NDUFAF4: variants seen among roughly 807,000 people sequenced by gnomAD.
The protein encoded by NDUFAF4 is NADH dehydrogenase [ubiquinone] 1 alpha subcomplex assembly factor 4.
Under a neutral mutation model 15.6 loss-of-function variants are expected in NDUFAF4, and 10 were observed. That is an observed-to-expected ratio of 0.64 (90% CI 0.40 to 1.09). The LOEUF (loss-of-function observed/expected upper bound fraction) is 1.09, where lower values mean the gene tolerates loss of function less well. Among genes scored for constraint, NDUFAF4 ranks in the 50% least tolerant of loss-of-function variants. The pLI is 0.01. For missense variants in NDUFAF4, 203 were observed against 207.3 expected (o/e 0.98, Z 0.13); for synonymous variants, 77 against 73.3 (o/e 1.05, Z -0.26).
At chr6:96,897,599 C>T in intron 1 of NDUFAF4, 67 bp downstream of exon 1, 3 of 1,606,026 alleles carry the variant, frequency 1.9e-6, no homozygotes, top group South Asian at 1.1e-5. Flanking sequence ...CGGACCCACG[C>T]TAGGGACAGC....
chr6:96,897,791 A>G lies in NDUFAF4; in HGVS notation c.11T>C (p.Leu4Pro), dbSNP rs1359760053. The G allele has an allele frequency of 3.1e-6, 5 of 1,614,110 alleles. No homozygotes were observed. Among genetic ancestry groups the G allele is most frequent in the Middle Eastern group, 1.6e-4 (1 of 6,062 alleles). ...GAAATTCCTGATACCGCGAATCACT[A>G]GTGCTCCCATCTCCTCATAACATTA... is the stretch of plus-strand genomic sequence containing the variant. MGA[L>P]VIRGIRNFNL... Residue 4 changes from leucine (L) to proline (P), a missense_variant, in exon 1 of 3, where the codon CTA (leucine) becomes CCA (proline). Transcript: ENST00000316149.
intron 2 of NDUFAF4, 26 bp downstream of exon 2, chr6:96,896,718 A>G (rs758284876): frequency 2.6e-6 from 4 of 1,509,808 alleles, no homozygotes; most frequent in Non-Finnish European, 3.7e-6. Flanking sequence ...TAAATTGTGT[A>G]TTCACTTAAT....
intron 2 of NDUFAF4, 120 bp from the exon 3 acceptor site, chr6:96,891,511 C>T: frequency 9.4e-7 from 1 of 1,058,802 alleles, no homozygotes; most frequent in Non-Finnish European, 1.4e-6. Context: ...ATCTGTGTCC[C>T]CACCCAAATC....
Position 96,891,111 on chromosome 6 carries a change from G to T in NDUFAF4, c.521C>A (p.Ser174Ter). ...AAATTTCTGTGATTTTCTTCATTTT[G>T]ATCGTATTGCTTTCTTGTCTTCAGG... Reference protein sequence around the residue: ...FPPEDKKAIRSK With the variant: ...FPPEDKKAIR The change falls in exon 3 of 3, where the codon TCA becomes TAA. Residue 174 changes from serine (S) to a stop codon, truncating the protein, a stop_gained. Transcript: ENST00000316149. LOFTEE classifies it high-confidence loss of function. 6 of 1,612,210 alleles carry T rather than the reference G, an allele frequency of 3.7e-6. No homozygotes were observed. In the South Asian group the frequency reaches 6.6e-5, roughly 18 times the overall value.
At position 96,890,951 on chromosome 6, in the gene NDUFAF4, T is replaced by TG; in HGVS notation, c.*152dup. 1 of 707,858 alleles carries TG rather than the reference T, an allele frequency of 1.4e-6. No homozygotes were observed. Among genetic ancestry groups the TG allele is most frequent in the Non-Finnish European group, 2.3e-6 (1 of 436,574 alleles). 43.8% of individuals were successfully genotyped at this position (707,858 alleles called of 1,614,324 possible). A position where few individuals can be genotyped will look rare whatever the true frequency, so the allele number is the denominator to read the frequency against. On this transcript the variant is annotated 3_prime_UTR_variant, in exon 3 of 3. Coordinates refer to ENST00000316149, the MANE Select transcript of NDUFAF4 (RefSeq NM_014165.4). ...AACAAAAGATATTCTATGGCAATCT[T>TG]GAAAAGTCAGGGAGCTCAATAAATA... is the stretch of plus-strand genomic sequence containing the variant.
Position 96,897,682 on chromosome 6 carries a change from C to T in NDUFAF4, c.120G>A (p.Leu40=), listed in dbSNP as rs117908219. The change falls in exon 1 of 3, where the codon CTG becomes CTA. Residue 40 remains leucine, a synonymous_variant. Coordinates refer to ENST00000316149, the MANE Select transcript of NDUFAF4 (RefSeq NM_014165.4). ...APRHPSTNSL[L]REQISLYPEV... is the part of the protein sequence containing the mutation. Reference sequence around the variant, plus strand: ...ACCACTCACGACTAATCTGCTCTCGCAGGAGGCTGTTGGTAGAGGGGTGTC... The same window carrying T: ...ACCACTCACGACTAATCTGCTCTCGTAGGAGGCTGTTGGTAGAGGGGTGTC... 1.9e-3 allele frequency: 3,108 copies of T among 1,614,144 alleles called. 54 individuals are homozygous for T. In the East Asian group the frequency reaches 0.021, roughly 11 times the overall value.
At chr6:96,897,624 A>T in intron 1 of NDUFAF4, 42 bp downstream of exon 1, 1 of 1,610,774 alleles carries the variant, frequency 6.2e-7, no homozygotes, top group Non-Finnish European at 8.5e-7. Flanking sequence ...CAGCACAGGG[A>T]CTCCGCGCCC....
chr6:96,893,009 C>G (rs1775333302), intron 2 of NDUFAF4, among the ~76,000 whole-genome samples: 1 of 152,054 alleles, frequency 6.6e-6, no homozygotes, highest in Admixed American at 6.6e-5. Context: ...TGAAACTAAA[C>G]CTATCACCAG....
In NDUFAF4 at chr6:96,897,626, T is replaced by C. The variant is rs747262076; in HGVS notation, c.136+40A>G. 4 of 1,611,564 alleles carry C rather than the reference T, an allele frequency of 2.5e-6. No individual in the cohort carries two copies. The East Asian group carries it at 8.9e-5, about 36-fold the overall frequency. ...AGGGACAGCCGGGCAGCACAGGGAC[T>C]CCGCGCCCCCGGGCCCCGAAACGCC... On this transcript the variant is annotated intron_variant, in intron 1 of 2. Transcript: ENST00000316149.
intron 2 of NDUFAF4, among the ~76,000 whole-genome samples, chr6:96,894,714 G>A (rs2127974789): frequency 1.3e-5 from 2 of 152,210 alleles, no homozygotes; most frequent in South Asian, 4.1e-4. Context: ...AATTTAAAGT[G>A]AAAAAAGCTC....
intron 1 of NDUFAF4, among the ~76,000 whole-genome samples, chr6:96,897,085 C>T (rs545711721): frequency 6.1e-4 from 93 of 152,182 alleles, no homozygotes; most frequent in Non-Finnish European, 1.2e-3. Context: ...CCACCACGCC[C>T]GGCTAATTTT....
rs1410431710 is a variant in NDUFAF4, at chr6:96,896,854, A to G, written c.137-7T>C. The G allele has an allele frequency of 3.1e-6, 5 of 1,593,856 alleles. No homozygotes were observed. In the South Asian group the frequency reaches 5.5e-5, roughly 18 times the overall value. On this transcript the variant is annotated splice_polypyrimidine_tract_variant and splice_region_variant and intron_variant, in intron 1 of 2. Transcript: ENST00000316149. ...CCTTTAACTTCTGGATAGACTAAGG[A>G]AAGGAAAAAAGTCACAATATTAAAA...
intron 1 of NDUFAF4, 120 bp downstream of exon 1, chr6:96,897,546 G>A (rs775806286): frequency 9.1e-5 from 130 of 1,436,342 alleles, no homozygotes; most frequent in Non-Finnish European, 1.1e-4. Flanking sequence ...CCGCCAACCC[G>A]AGCGGCTGCG....
intron 2 of NDUFAF4, among the ~76,000 whole-genome samples, chr6:96,892,176 C>T (rs1011406075): frequency 5.3e-5 from 8 of 152,156 alleles, no homozygotes; most frequent in African/African-American, 1.9e-4. Context: ...GTATTTCATA[C>T]TCAGTACTCC....
intron 2 of NDUFAF4, among the ~76,000 whole-genome samples, chr6:96,893,526 T>A (rs1325751888): frequency 6.6e-6 from 1 of 152,174 alleles, no homozygotes; most frequent in Admixed American, 6.5e-5. Context: ...ATCTTTATAT[T>A]GCAAACTAGG....
In NDUFAF4 at chr6:96,889,819, A is replaced by C. The variant is rs1233511428; in HGVS notation, c.*1285T>G. ...GAGGTGTGCTGCTTTTTGGCAAGAC[A>C]GAAAAAACACACTACTAGGATTTGA... On this transcript the variant is annotated 3_prime_UTR_variant, in exon 3 of 3. Transcript: ENST00000316149. 3 of 152,248 alleles carry C rather than the reference A, an allele frequency of 2.0e-5. No individual in the cohort carries two copies. The highest frequency in any genetic ancestry group is 4.4e-5 in the Non-Finnish European group (3 of 68,016). The allele number at this position is 152,248 out of a possible 1,614,324, so 9.4% of individuals were successfully genotyped here. A position where few individuals can be genotyped will look rare whatever the true frequency, so the allele number is the denominator to read the frequency against.
chr6:96,891,060 C>T lies in NDUFAF4; in HGVS notation c.*44G>A. 2 of 1,541,392 alleles carry T rather than the reference C, an allele frequency of 1.3e-6. No individual in the cohort carries two copies. The highest frequency in any genetic ancestry group is 1.8e-6 in the Non-Finnish European group (2 of 1,120,458). The stretch of plus-strand genomic sequence containing the variant: ...ACGCAAAAAATGAGAAAATATACAG[C>T]AGGAGGGATGAGGAGTACACATAGG... On this transcript the variant is annotated 3_prime_UTR_variant, in exon 3 of 3. Transcript: ENST00000316149.
chr6:96,895,631 G>C (rs1379657352), intron 2 of NDUFAF4, among the ~76,000 whole-genome samples: 2 of 152,014 alleles, frequency 1.3e-5, no homozygotes, highest in Non-Finnish European at 2.9e-5. Flanking sequence ...GCATAATTAA[G>C]TAACATGAGA....
intron 2 of NDUFAF4, among the ~76,000 whole-genome samples, chr6:96,894,355 G>A (rs1471590852): frequency 1.3e-5 from 2 of 152,152 alleles, no homozygotes; most frequent in African/African-American, 4.8e-5. Context: ...ACTTTACCAA[G>A]AATAGCCCCA....
Sources: gnomAD v4.1 joint callset for allele counts (sites outside exome capture counted in the v4.1 genomes callset) on GRCh38, gnomAD v4.1.1 for gene constraint, MANE v1.5 for transcripts, NCBI Gene and HGNC (gene_info 2026-07-23, HGNC 2026-07-21) for gene names.